Variants in BNC2 observed in about 807,000 individuals in gnomAD.
The protein encoded by BNC2 is basonuclin zinc finger protein 2, also known as zinc finger protein basonuclin-2.
Under a neutral mutation model 76.3 loss-of-function variants are expected in BNC2, and 20 were observed. The ratio of observed to expected loss-of-function variants is 0.26; its 90% CI spans 0.18 to 0.38. The LOEUF (loss-of-function observed/expected upper bound fraction) is 0.38. BNC2 is among the 10% of genes least tolerant of loss of function. The pLI is 1.00. For synonymous variants in BNC2, 582 were observed against 514.8 expected (o/e 1.13, Z -1.77); for missense variants, 1,382 against 1,399.8 (o/e 0.99, Z 0.20).
At chr9:16,764,453 C>T (rs946754595) in intron 1 of BNC2, among the ~76,000 whole-genome samples, 36 of 152,146 alleles carry the variant, frequency 2.4e-4, no homozygotes, top group African/African-American at 8.4e-4. Context: ...AGTAACCCAA[C>T]CTAAAAATCT....
intron 5 of BNC2, among the ~76,000 whole-genome samples, chr9:16,469,472 T>C (rs1487541345): frequency 6.6e-6 from 1 of 152,238 alleles, no homozygotes; most frequent in Non-Finnish European, 1.5e-5. Context: ...CCTCTCACCA[T>C]GATTCTGAGG....
chr9:16,448,175 G>A (rs1047069857), intron 5 of BNC2, among the ~76,000 whole-genome samples: 2 of 152,030 alleles, frequency 1.3e-5, no homozygotes, highest in African/African-American at 4.8e-5. Context: ...TTGCTTTGAG[G>A]TCTACATTTT....
chr9:16,780,268 T>G (rs1304057090), intron 1 of BNC2, among the ~76,000 whole-genome samples: 2 of 89,426 alleles, frequency 2.2e-5, no homozygotes, highest in South Asian at 3.2e-4. Context: ...AAAAAAAAAC[T>G]ACTGAAACTA....
rs199626314 is a variant in BNC2, at chr9:16,604,643, C to CA, written c.331-21559dup. ...AAAACCGCAGCTCTACTAAAAAATACAAAAAAACACAATTAGCCGGGCGTG... is the reference window on the plus strand; with the variant it reads ...AAAACCGCAGCTCTACTAAAAAATACAAAAAAAACACAATTAGCCGGGCGTG... On this transcript the variant is annotated intron_variant, in intron 3 of 6. Coordinates refer to ENST00000380672, the MANE Select transcript of BNC2 (RefSeq NM_017637.6). Among the ~76,000 whole-genome samples, 1,025 of 151,764 alleles carry CA rather than the reference C, an allele frequency of 6.8e-3. 9 individuals carry two copies. The highest frequency in any genetic ancestry group is 0.022 in the African/African-American group (907 of 41,384).
At chr9:16,631,548 T>C (rs373165783) in intron 3 of BNC2, among the ~76,000 whole-genome samples, 11 of 152,298 alleles carry the variant, frequency 7.2e-5, no homozygotes, top group African/African-American at 2.6e-4. Flanking sequence ...TCACAGCCAA[T>C]AGTCAAGAAG....
chr9:16,560,736 A>G (rs188582831), intron 4 of BNC2, among the ~76,000 whole-genome samples: 38 of 152,282 alleles, frequency 2.5e-4, no homozygotes, highest in African/African-American at 7.0e-4. Flanking sequence ...CTAAACAGCA[A>G]AAGATTAAAA....
At chr9:16,613,500 T>C (rs985682758) in intron 3 of BNC2, among the ~76,000 whole-genome samples, 1 of 152,208 alleles carries the variant, frequency 6.6e-6, no homozygotes, top group Non-Finnish European at 1.5e-5. Context: ...ATTACTGCTG[T>C]GCAGGCTTCT....
chr9:16,678,290 T>TTTTTTTTTTC, intron 3 of BNC2, among the ~76,000 whole-genome samples: 1 of 136,712 alleles, frequency 7.3e-6, no homozygotes, highest in African/African-American at 2.8e-5. Context: ...TTTTTTTTTT[T>TTTTTTTTTTC]TTTTTTGAGA....
chr9:16,567,101 T>G (rs940097352), intron 4 of BNC2, among the ~76,000 whole-genome samples: 1 of 152,108 alleles, frequency 6.6e-6, no homozygotes, highest in African/African-American at 2.4e-5. Flanking sequence ...GGATATAATT[T>G]CAATAAATAT....
intron 5 of BNC2, among the ~76,000 whole-genome samples, chr9:16,465,528 G>C (rs180679467): frequency 1.6e-4 from 24 of 149,866 alleles, no homozygotes; most frequent in Admixed American, 1.3e-4. Context: ...TTACTGATTA[G>C]AACAAACACC....
At chr9:16,674,281 TAGAAATAA>T (rs1407576710) in intron 3 of BNC2, among the ~76,000 whole-genome samples, 1 of 152,218 alleles carries the variant, frequency 6.6e-6, no homozygotes, top group Non-Finnish European at 1.5e-5. Flanking sequence ...ATTGAATAGT[TAGAAATAA>T]AGAAATTCCA....
chr9:16,788,807 T>C (rs1221004091), intron 1 of BNC2, among the ~76,000 whole-genome samples: 1 of 151,966 alleles, frequency 6.6e-6, no homozygotes, highest in Non-Finnish European at 1.5e-5. Flanking sequence ...TGCAGGACAA[T>C]CCCACACTCC....
At position 16,848,544 on chromosome 9, in the gene BNC2, G is replaced by C. The variant is rs76270492; in HGVS notation, c.3+22102C>G. 5.8e-3 allele frequency among the ~76,000 whole-genome samples: 887 copies of C among 152,294 alleles called. 32 individuals carry two copies. The highest frequency in any genetic ancestry group is 0.042 in the Admixed American group (636 of 15,298). ...AGACAGCACAAACAGTCCCTCCAAA[G>C]ACACTGTTAATTACGCCCTCAGGTT... is the stretch of plus-strand genomic sequence containing the variant. On this transcript the variant is annotated intron_variant, in intron 1 of 6. Transcript: ENST00000380672.
At chr9:16,619,597 T>C (rs920525677) in intron 3 of BNC2, among the ~76,000 whole-genome samples, 23 of 152,342 alleles carry the variant, frequency 1.5e-4, no homozygotes, top group African/African-American at 5.3e-4. Context: ...GACATTATTA[T>C]TTGGGTTCAA....
At chr9:16,813,359 G>A (rs997160112) in intron 1 of BNC2, among the ~76,000 whole-genome samples, 6 of 151,350 alleles carry the variant, frequency 4.0e-5, no homozygotes, top group African/African-American at 1.5e-4. Context: ...TCCACCTCCC[G>A]GGTTCACGCC....
chr9:16,732,005 G>C (rs1252530622), intron 2 of BNC2, among the ~76,000 whole-genome samples: 4 of 151,936 alleles, frequency 2.6e-5, no homozygotes, highest in African/African-American at 9.7e-5. Flanking sequence ...AGACTATAGG[G>C]AGGCACAATG....
At chr9:16,645,709 G>T (rs1028231449) in intron 3 of BNC2, among the ~76,000 whole-genome samples, 2 of 152,146 alleles carry the variant, frequency 1.3e-5, no homozygotes, top group Admixed American at 6.6e-5. Flanking sequence ...ACATAAACAG[G>T]ATGTTAGATT....
chr9:16,638,901 A>T (rs1440405789), intron 3 of BNC2, among the ~76,000 whole-genome samples: 1 of 152,180 alleles, frequency 6.6e-6, no homozygotes, highest in Non-Finnish European at 1.5e-5. Flanking sequence ...TCTAAACACA[A>T]TGATAATATA....
intron 5 of BNC2, among the ~76,000 whole-genome samples, chr9:16,476,936 A>G (rs927134441): frequency 6.6e-6 from 1 of 152,110 alleles, no homozygotes; most frequent in African/African-American, 2.4e-5. Context: ...AAAGAACATT[A>G]GCAGGGAGGG....
Sources: gnomAD v4.1 joint callset for allele counts (sites outside exome capture counted in the v4.1 genomes callset) on GRCh38, gnomAD v4.1.1 for gene constraint, MANE v1.5 for transcripts, NCBI Gene and HGNC (gene_info 2026-07-23, HGNC 2026-07-21) for gene names.